ZNF804B: variants seen among roughly 807,000 people sequenced by gnomAD.
ZNF804B encodes the protein zinc finger protein 804B, also known as zinc finger 804B.
A neutral mutation model predicts 101.4 loss-of-function variants in ZNF804B; 80 were observed. That is an observed-to-expected ratio of 0.79 (90% CI 0.66 to 0.95). The LOEUF (loss-of-function observed/expected upper bound fraction) is 0.95. Ranked by LOEUF, ZNF804B falls within the 40% of genes least tolerant of loss-of-function variation. The pLI, the probability that ZNF804B is intolerant of heterozygous loss-of-function variation, is 0.00. For synonymous variants in ZNF804B, 622 were observed against 558.8 expected (o/e 1.11, Z -1.59); for missense variants, 1,673 against 1,561.9 (o/e 1.07, Z -1.20).
intron 2 of ZNF804B, among the ~76,000 whole-genome samples, chr7:89,276,239 GGGT>G (rs1789978182): frequency 6.6e-6 from 1 of 151,692 alleles, no homozygotes; most frequent in African/African-American, 2.4e-5. Context: ...CTTAGGTGAT[GGGT>G]TGATAGGTGC....
intron 1 of ZNF804B, among the ~76,000 whole-genome samples, chr7:88,893,336 A>C (rs1792240207): frequency 6.6e-6 from 1 of 152,068 alleles, no homozygotes; most frequent in South Asian, 2.1e-4. Context: ...AACATCTATC[A>C]TCCGTATTGC....
intron 1 of ZNF804B, among the ~76,000 whole-genome samples, chr7:89,154,532 A>G (rs1332885974): frequency 6.6e-6 from 1 of 152,172 alleles, no homozygotes; most frequent in East Asian, 1.9e-4. Context: ...TTCAGCCATA[A>G]AAAACAATGA....
At chr7:88,784,792 T>A (rs545057943) in intron 1 of ZNF804B, among the ~76,000 whole-genome samples, 2 of 152,296 alleles carry the variant, frequency 1.3e-5, no homozygotes, top group South Asian at 4.1e-4. Flanking sequence ...CTTTGTTACT[T>A]GACTTTGAGG....
chr7:89,020,831 A>G lies in ZNF804B; in HGVS notation c.109-197324A>G, dbSNP rs141521479. ...GTTTTGGGTTATTTTTATGATGTCT[A>G]TTTCTTGGCTTAATTTCTCTTTCAA... On this transcript the variant is annotated intron_variant, in intron 1 of 3. Transcript: ENST00000333190. Among the ~76,000 whole-genome samples, 179 of 152,084 alleles carry G rather than the reference A, an allele frequency of 1.2e-3. 3 individuals carry two copies. The East Asian group carries it at 0.03, about 25-fold the overall frequency.
At chr7:89,332,948 T>TA (rs1157027528) in intron 3 of ZNF804B, among the ~76,000 whole-genome samples, 8 of 151,782 alleles carry the variant, frequency 5.3e-5, no homozygotes, top group African/African-American at 7.2e-5. Context: ...AAAGCAAATT[T>TA]AAAAAAATTT....
chr7:88,907,339 G>A (rs941083792), intron 1 of ZNF804B, among the ~76,000 whole-genome samples: 4 of 151,824 alleles, frequency 2.6e-5, no homozygotes, highest in Admixed American at 1.3e-4. Context: ...TAAATTCAGA[G>A]TTAATATTAA....
At chr7:89,300,471 T>C (rs1459008387) in intron 2 of ZNF804B, among the ~76,000 whole-genome samples, 3 of 151,846 alleles carry the variant, frequency 2.0e-5, no homozygotes, top group Non-Finnish European at 2.9e-5. Context: ...GAGCTATTTT[T>C]AATTAGTGGT....
At chr7:88,791,673 TAGTACATTTTTACC>T (rs1365711726) in intron 1 of ZNF804B, among the ~76,000 whole-genome samples, 2 of 152,122 alleles carry the variant, frequency 1.3e-5, no homozygotes, top group East Asian at 3.9e-4. Context: ...ATTGGCCTAC[TAGTACATTTTTACC>T]AGTAGCTATC....
At chr7:89,044,594 A>C (rs1390554648) in intron 1 of ZNF804B, among the ~76,000 whole-genome samples, 1 of 152,168 alleles carries the variant, frequency 6.6e-6, no homozygotes, top group Non-Finnish European at 1.5e-5. Context: ...CGACATGGAC[A>C]ATGAAGTCCA....
intron 1 of ZNF804B, among the ~76,000 whole-genome samples, chr7:88,952,101 C>T (rs1434688922): frequency 6.6e-6 from 1 of 151,774 alleles, no homozygotes; most frequent in Admixed American, 6.6e-5. Flanking sequence ...AGAAATGTGG[C>T]TGTTCTTTGG....
At chr7:88,892,279 TG>T (rs1792225181) in intron 1 of ZNF804B, among the ~76,000 whole-genome samples, 1 of 152,182 alleles carries the variant, frequency 6.6e-6, no homozygotes, top group Non-Finnish European at 1.5e-5. Context: ...TCTTTATTCT[TG>T]AAGTATAGAA....
chr7:89,312,403 C>T (rs554863399), intron 2 of ZNF804B, among the ~76,000 whole-genome samples: 4 of 152,228 alleles, frequency 2.6e-5, no homozygotes, highest in Admixed American at 1.3e-4. Context: ...ACATGTCGAA[C>T]GAATCCTCCA....
chr7:88,773,801 A>G (rs1236680548), intron 1 of ZNF804B, among the ~76,000 whole-genome samples: 1 of 151,958 alleles, frequency 6.6e-6, no homozygotes, highest in Non-Finnish European at 1.5e-5. Context: ...AGGGGCAAGA[A>G]AGGGGGGTGA....
intron 2 of ZNF804B, among the ~76,000 whole-genome samples, chr7:89,285,106 C>A (rs1790162112): frequency 6.6e-6 from 1 of 151,866 alleles, no homozygotes; most frequent in Non-Finnish European, 1.5e-5. Context: ...ATAGTCCCAA[C>A]TATTTGGAAG....
chr7:89,011,062 C>G lies in ZNF804B; in HGVS notation c.109-207093C>G, dbSNP rs185633672. On this transcript the variant is annotated intron_variant, in intron 1 of 3. Transcript: ENST00000333190. Reference sequence around the variant, plus strand: ...TCAATTGACTCAGAGTTCTCCATGGCTGGGGAGGCCTCAGGAAACTTACAA... The same window carrying G: ...TCAATTGACTCAGAGTTCTCCATGGGTGGGGAGGCCTCAGGAAACTTACAA... Among the ~76,000 whole-genome samples the G allele has an allele frequency of 3.3e-4, 51 of 152,262 alleles. No individual in the cohort carries two copies. The East Asian group carries it at 9.5e-3, about 28-fold the overall frequency.
intron 1 of ZNF804B, among the ~76,000 whole-genome samples, chr7:88,949,969 C>T (rs966374311): frequency 6.6e-6 from 1 of 151,914 alleles, no homozygotes; most frequent in African/African-American, 2.4e-5. Flanking sequence ...GTTTGCCTAA[C>T]AATGCGTTTC....
intron 1 of ZNF804B, among the ~76,000 whole-genome samples, chr7:88,834,928 G>A (rs1791187842): frequency 2.6e-5 from 4 of 151,728 alleles, no homozygotes; most frequent in Admixed American, 2.0e-4. Context: ...TGACATCTAT[G>A]AAAGGCACCA....
At chr7:88,868,135 G>T (rs2115872538) in intron 1 of ZNF804B, among the ~76,000 whole-genome samples, 1 of 150,386 alleles carries the variant, frequency 6.6e-6, no homozygotes, top group East Asian at 2.0e-4. Context: ...AGATGTTTTG[G>T]AATACCAAGG....
intron 2 of ZNF804B, among the ~76,000 whole-genome samples, chr7:89,303,595 T>G (rs556207082): frequency 6.6e-6 from 1 of 151,946 alleles, no homozygotes; most frequent in Non-Finnish European, 1.5e-5. Flanking sequence ...AACATCAGGA[T>G]GTAGATGCAA....
Sources: allele counts gnomAD v4.1 joint callset (sites outside exome capture counted in the v4.1 genomes callset), GRCh38; gene constraint gnomAD v4.1.1; transcripts MANE v1.5; gene names NCBI Gene and HGNC (gene_info 2026-07-23, HGNC 2026-07-21).